The following ARHGAP8 variants were observed in gnomAD, a reference collection of about 807,000 sequenced individuals.
ARHGAP8 encodes Rho GTPase activating protein 8, also known as rho GTPase-activating protein 8.
In ARHGAP8, 62 loss-of-function variants were observed where a neutral mutation model predicts 46.1. That is an observed-to-expected ratio of 1.34 (90% CI 1.10 to 1.66). ARHGAP8 has a LOEUF of 1.66. Among genes scored for constraint, ARHGAP8 ranks in the 40% most tolerant of loss-of-function variants. The pLI is 0.00. For missense variants in ARHGAP8, 923 were observed against 568.4 expected, an observed-to-expected ratio of 1.62 and a Z score of -6.34; for synonymous variants, 375 against 243.1, an observed-to-expected ratio of 1.54 and a Z score of -5.05.
In ARHGAP8 at chr22:44,862,502, T is replaced by G. The variant is rs967676776; in HGVS notation, c.1209T>G (p.Pro403=). 6.8e-6 allele frequency: 11 copies of G among 1,613,310 alleles called. No individual in the cohort carries two copies. Among genetic ancestry groups the G allele is most frequent in the Admixed American group, 5.0e-5 (3 of 59,976 alleles). The part of the protein sequence containing the change: ...APWEQGSRAA[P]LQEAVPRTQA... ...GGGAACAGGGGAGCAGGGCAGCCCCTTTGCAGGAGGCTGTGCCACGGACAC... is the reference window on the plus strand; with the variant it reads ...GGGAACAGGGGAGCAGGGCAGCCCCGTTGCAGGAGGCTGTGCCACGGACAC... Residue 403 remains proline, a synonymous_variant, in exon 12 of 12, where the codon CCT becomes CCG. Coordinates refer to ENST00000356099, the MANE Select transcript of ARHGAP8 (RefSeq NM_181335.3).
intron 2 of ARHGAP8, among the ~76,000 whole-genome samples, chr22:44,798,035 G>C (rs940208770): frequency 7.1e-6 from 1 of 141,676 alleles, no homozygotes; most frequent in Non-Finnish European, 1.5e-5. Context: ...AGAGTGCATT[G>C]GTGTGATCTC....
At chr22:44,858,697 A>G (rs2070319317) in intron 10 of ARHGAP8, among the ~76,000 whole-genome samples, 1 of 148,426 alleles carries the variant, frequency 6.7e-6, no homozygotes, top group Admixed American at 6.8e-5. Flanking sequence ...CTGGAAGGCT[A>G]TGGAGCTCCA....
intron 2 of ARHGAP8, among the ~76,000 whole-genome samples, chr22:44,791,664 A>G (rs1250448239): frequency 1.3e-5 from 2 of 152,170 alleles, no homozygotes; most frequent in Non-Finnish European, 2.9e-5. Context: ...AGATTGCATC[A>G]TTGCACTCCA....
At chr22:44,847,925 C>A in intron 8 of ARHGAP8, 48 bp from the exon 9 acceptor site, 1 of 1,600,962 alleles carries the variant, frequency 6.2e-7, no homozygotes, top group Non-Finnish European at 8.5e-7. Flanking sequence ...GTCCTGGAAG[C>A]CCTTTGGGCT....
intron 7 of ARHGAP8, among the ~76,000 whole-genome samples, chr22:44,827,398 G>A (rs1221188637): frequency 7.3e-6 from 1 of 137,666 alleles, no homozygotes; most frequent in Non-Finnish European, 1.5e-5. Flanking sequence ...GCTGGAGTGC[G>A]GTGGTGTGAG....
chr22:44,755,331 T>C (rs936248701), intron 1 of ARHGAP8, among the ~76,000 whole-genome samples: 6 of 152,242 alleles, frequency 3.9e-5, no homozygotes, highest in African/African-American at 4.8e-5. Context: ...TGGTGTAAGA[T>C]GGAGCCATTC....
In ARHGAP8 at chr22:44,862,259, G is replaced by A. The variant is rs376168388; in HGVS notation, c.982-16G>A. 2.0e-5 allele frequency: 32 copies of A among 1,576,302 alleles called. No individual in the cohort carries two copies. The highest frequency in any genetic ancestry group is 1.1e-4 in the East Asian group (5 of 44,374). ...TTGGTGTTCACTCCCCTTTACTTGT[G>A]TGTGGTTTCCTCCAGGTGTCCCGGG... On this transcript the variant is annotated splice_polypyrimidine_tract_variant and intron_variant, in intron 11 of 11. Coordinates refer to ENST00000356099, the MANE Select transcript of ARHGAP8 (RefSeq NM_181335.3).
chr22:44,810,525 C>T (rs929294673), intron 4 of ARHGAP8, among the ~76,000 whole-genome samples: 1 of 152,230 alleles, frequency 6.6e-6, no homozygotes, highest in African/African-American at 2.4e-5. Context: ...CAGGCGTGAG[C>T]CACTGTGCCC....
At chr22:44,817,952 A>C (rs974229434) in intron 5 of ARHGAP8, among the ~76,000 whole-genome samples, 1 of 152,020 alleles carries the variant, frequency 6.6e-6, no homozygotes. Flanking sequence ...TCGCCTCTAC[A>C]AAACAGATAA....
At chr22:44,815,987 G>C (rs1418783625) in intron 5 of ARHGAP8, among the ~76,000 whole-genome samples, 1 of 152,206 alleles carries the variant, frequency 6.6e-6, no homozygotes, top group African/African-American at 2.4e-5. Context: ...AGGATAGCCA[G>C]GTGAGGTGGC....
chr22:44,778,850 CCTCT>C (rs1205201991), intron 1 of ARHGAP8, among the ~76,000 whole-genome samples: 1 of 152,200 alleles, frequency 6.6e-6, no homozygotes, highest in African/African-American at 2.4e-5. Flanking sequence ...GGTCAGCCCT[CCTCT>C]CTCTCTAACC....
intron 9 of ARHGAP8, 149 bp from the exon 10 acceptor site, chr22:44,848,783 G>A (rs1431298177): frequency 7.0e-7 from 1 of 1,423,372 alleles, no homozygotes; most frequent in Non-Finnish European, 9.4e-7. Context: ...CCATTTCTAG[G>A]TGGGGACAGC....
At chr22:44,821,300 T>C (rs886871371) in intron 5 of ARHGAP8, among the ~76,000 whole-genome samples, 2 of 151,916 alleles carry the variant, frequency 1.3e-5, no homozygotes, top group African/African-American at 4.8e-5. Context: ...CGTGGTGGTG[T>C]GCACCTTAAT....
chr22:44,806,817 A>AATCACCTGAG (rs1928954977), intron 3 of ARHGAP8, among the ~76,000 whole-genome samples: 1 of 151,982 alleles, frequency 6.6e-6, no homozygotes, highest in African/African-American at 2.4e-5. Flanking sequence ...AAAAAAAATT[A>AATCACCTGAG]GCCGGGCGTG....
Position 44,825,700 on chromosome 22 carries a change from A to G in ARHGAP8, c.596+107A>G, listed in dbSNP as rs115069404. On this transcript the variant is annotated intron_variant, in intron 7 of 11. Coordinates refer to ENST00000356099, the MANE Select transcript of ARHGAP8 (RefSeq NM_181335.3). ...CCCCAGACGTTTGTCTCCAGCAGCC[A>G]AGCTGAACCCTGCAGGAAAGATAAA... is the stretch of plus-strand genomic sequence containing the variant. The G allele has an allele frequency of 8.8e-3, 11,439 of 1,298,026 alleles. 546 individuals are homozygous for G. The African/African-American group carries it at 0.12, about 14-fold the overall frequency. The allele number at this position is 1,298,026 out of a possible 1,614,324, so 80.4% of individuals were successfully genotyped here.
chr22:44,856,150 C>T (rs2070216131), intron 10 of ARHGAP8, among the ~76,000 whole-genome samples: 1 of 152,070 alleles, frequency 6.6e-6, no homozygotes, highest in Non-Finnish European at 1.5e-5. Context: ...CACCCATCCC[C>T]ACCTCCCACA....
chr22:44,836,432 C>G (rs565333365), intron 7 of ARHGAP8, among the ~76,000 whole-genome samples: 1 of 151,940 alleles, frequency 6.6e-6, no homozygotes, highest in South Asian at 2.1e-4. Context: ...TCTAGTCAAC[C>G]CTAGGCTGTG....
intron 1 of ARHGAP8, among the ~76,000 whole-genome samples, chr22:44,758,495 C>A (rs763263204): frequency 1.3e-5 from 2 of 152,138 alleles, no homozygotes; most frequent in Non-Finnish European, 2.9e-5. Flanking sequence ...ATTTCCCAGG[C>A]AGCCGGTGAG....
rs1471855889 is a variant in ARHGAP8 at position 44,842,586 on chromosome 22, G to A, written c.597-2683G>A. On this transcript the variant is annotated intron_variant, in intron 7 of 11. Transcript: ENST00000356099. ...GGCTCAGGCAGGTGGGGCTGGTGGC[G>A]AGAGGAAAGTCCCTCATCCTAACAC... 5.3e-5 allele frequency among the ~76,000 whole-genome samples: 8 copies of A among 152,184 alleles called. No individual in the cohort carries two copies. In the South Asian group the frequency reaches 8.3e-4, roughly 16 times the overall value.
Sources: gnomAD v4.1 joint callset for allele counts (sites outside exome capture counted in the v4.1 genomes callset) on GRCh38, gnomAD v4.1.1 for gene constraint, MANE v1.5 for transcripts, NCBI Gene and HGNC (gene_info 2026-07-23, HGNC 2026-07-21) for gene names.